CDH12: variants seen among roughly 807,000 people sequenced by gnomAD.
CDH12 encodes cadherin-12.
Under a neutral mutation model 74.1 loss-of-function variants are expected in CDH12, and 41 were observed. The ratio of observed to expected loss-of-function variants is 0.55; its 90% CI spans 0.43 to 0.72. The LOEUF is 0.72. CDH12 is among the 30% of genes least tolerant of loss of function. The probability of loss-of-function intolerance (pLI) is 0.00; values close to 1 mark genes in which losing one functional copy is unlikely to be tolerated. For missense variants in CDH12, 945 were observed against 977.2 expected, an observed-to-expected ratio of 0.97 and a Z score of 0.44; for synonymous variants, 399 against 355.0, an observed-to-expected ratio of 1.12 and a Z score of -1.39.
rs1580822133 is a variant in CDH12, at chr5:22,619,548, T to C, written c.-522-114184A>G. ...CAATCCTTTTGTTGGTTTTTTGAAA[T>C]CTTTTATTTTTTTAAATCTATTTTA... On this transcript the variant is annotated intron_variant, in intron 1 of 14. Coordinates refer to ENST00000382254, the MANE Select transcript of CDH12 (RefSeq NM_004061.5). 3.3e-5 allele frequency among the ~76,000 whole-genome samples: 5 copies of C among 152,188 alleles called. 1 individual carries two copies. Among genetic ancestry groups the C allele is most frequent in the Admixed American group, 3.3e-4 (5 of 15,252 alleles).
At chr5:21,893,690 T>C (rs1003057214) in intron 6 of CDH12, among the ~76,000 whole-genome samples, 2 of 152,224 alleles carry the variant, frequency 1.3e-5, no homozygotes, top group Non-Finnish European at 2.9e-5. Context: ...GGGTGAAATA[T>C]ATTTTCTTAT....
intron 3 of CDH12, among the ~76,000 whole-genome samples, chr5:22,259,073 T>C (rs1753422684): frequency 6.6e-6 from 1 of 152,212 alleles, no homozygotes; most frequent in Non-Finnish European, 1.5e-5. Context: ...TTTATTTGGA[T>C]ATTTTATACC....
At chr5:22,370,838 C>CA (rs1171963948) in intron 3 of CDH12, among the ~76,000 whole-genome samples, 8 of 151,866 alleles carry the variant, frequency 5.3e-5, no homozygotes, top group Middle Eastern at 3.2e-3. Flanking sequence ...CCTTCAACAG[C>CA]AAAAAAATCA....
intron 3 of CDH12, among the ~76,000 whole-genome samples, chr5:22,278,992 T>C (rs1736759613): frequency 6.6e-6 from 1 of 152,166 alleles, no homozygotes; most frequent in Non-Finnish European, 1.5e-5. Context: ...CACTTCAATG[T>C]TCCCAATGTC....
At chr5:22,148,788 T>A (rs1747377278) in intron 4 of CDH12, among the ~76,000 whole-genome samples, 1 of 152,198 alleles carries the variant, frequency 6.6e-6, no homozygotes, top group Non-Finnish European at 1.5e-5. Flanking sequence ...CTCCCCTGCA[T>A]CTTTGTATTC....
intron 1 of CDH12, among the ~76,000 whole-genome samples, chr5:22,713,012 C>G (rs1395154060): frequency 6.6e-6 from 1 of 152,002 alleles, no homozygotes; most frequent in Non-Finnish European, 1.5e-5. Context: ...ATGTATACAC[C>G]AGGAAACTGG....
At position 22,259,729 on chromosome 5, in the gene CDH12, G is replaced by T. The variant is rs148072609; in HGVS notation, c.-332-47086C>A. Among the ~76,000 whole-genome samples, 277 of 151,796 alleles carry T rather than the reference G, an allele frequency of 1.8e-3. 2 individuals carry two copies. The highest frequency in any genetic ancestry group is 6.2e-3 in the African/African-American group (257 of 41,434). Reference sequence around the variant, plus strand: ...TGGAGGTAATTTAAGATATGCAAAGGACTTTTTTTTTTTACTAGCACCAAT... The same window carrying T: ...TGGAGGTAATTTAAGATATGCAAAGTACTTTTTTTTTTTACTAGCACCAAT... On this transcript the variant is annotated intron_variant, in intron 3 of 14. Coordinates refer to ENST00000382254, the MANE Select transcript of CDH12 (RefSeq NM_004061.5).
At chr5:21,995,247 G>A (rs1342872064) in intron 5 of CDH12, among the ~76,000 whole-genome samples, 1 of 151,538 alleles carries the variant, frequency 6.6e-6, no homozygotes, top group Non-Finnish European at 1.5e-5. Context: ...CAAAATGTCA[G>A]CCAATCCAAA....
chr5:22,774,450 G>C (rs1746981920), intron 1 of CDH12, among the ~76,000 whole-genome samples: 1 of 152,034 alleles, frequency 6.6e-6, no homozygotes, highest in Admixed American at 6.6e-5. Flanking sequence ...TGGTTTGGCT[G>C]TGTCCCCACC....
chr5:22,672,947 G>A (rs1043972341), intron 1 of CDH12, among the ~76,000 whole-genome samples: 29 of 152,188 alleles, frequency 1.9e-4, no homozygotes, highest in Non-Finnish European at 2.4e-4. Flanking sequence ...ATTGCTGAGC[G>A]CTGCCTAAAC....
At chr5:21,938,975 G>A (rs575297218) in intron 6 of CDH12, among the ~76,000 whole-genome samples, 11 of 150,720 alleles carry the variant, frequency 7.3e-5, no homozygotes, top group African/African-American at 2.2e-4. Flanking sequence ...GCACAAAGAT[G>A]TATATTGAAA....
rs532230906 is a variant in CDH12, at chr5:22,429,356, C to G, written c.-427-24005G>C. 2.0e-5 allele frequency among the ~76,000 whole-genome samples: 3 copies of G among 152,026 alleles called. No individual in the cohort carries two copies. In the South Asian group the frequency reaches 6.2e-4, roughly 32 times the overall value. ...TTTTTGCCATGTTGCCCAGGTTGTT[C>G]TTGAATTCCTGGATTCAGGTGATCT... On this transcript the variant is annotated intron_variant, in intron 2 of 14. Transcript: ENST00000382254.
intron 5 of CDH12, among the ~76,000 whole-genome samples, chr5:22,056,478 G>A (rs1016127224): frequency 6.6e-6 from 1 of 152,148 alleles, no homozygotes; most frequent in Non-Finnish European, 1.5e-5. Context: ...CTTGGAACAT[G>A]AGCATACTTG....
At chr5:22,401,207 G>A (rs752873921) in intron 3 of CDH12, among the ~76,000 whole-genome samples, 20 of 151,996 alleles carry the variant, frequency 1.3e-4, no homozygotes, top group Non-Finnish European at 2.4e-4. Flanking sequence ...AAACATGTAC[G>A]AAATAGCACA....
At chr5:22,643,320 A>C (rs1739249198) in intron 1 of CDH12, among the ~76,000 whole-genome samples, 1 of 152,152 alleles carries the variant, frequency 6.6e-6, no homozygotes, top group South Asian at 2.1e-4. Flanking sequence ...TTTAGGTCCC[A>C]ACTGAGCTCC....
At chr5:22,344,717 G>A (rs1740036007) in intron 3 of CDH12, among the ~76,000 whole-genome samples, 1 of 152,000 alleles carries the variant, frequency 6.6e-6, no homozygotes, top group South Asian at 2.1e-4. Flanking sequence ...AAGCATGAAA[G>A]CAATATGTAT....
At chr5:22,467,860 G>T (rs1383750051) in intron 2 of CDH12, among the ~76,000 whole-genome samples, 2 of 152,064 alleles carry the variant, frequency 1.3e-5, no homozygotes, top group African/African-American at 4.8e-5. Context: ...CTGAAAATTT[G>T]CAGAAATTTT....
intron 5 of CDH12, among the ~76,000 whole-genome samples, chr5:21,982,867 T>A (rs754883781): frequency 1.3e-5 from 2 of 152,120 alleles, no homozygotes; most frequent in African/African-American, 2.4e-5. Context: ...ATTTTGCATA[T>A]GGATTTTTTT....
chr5:22,328,982 C>A (rs973057145), intron 3 of CDH12, among the ~76,000 whole-genome samples: 4 of 152,018 alleles, frequency 2.6e-5, no homozygotes, highest in African/African-American at 9.7e-5. Flanking sequence ...AAAAACAGAA[C>A]AAACTTAGAA....
Sources: gnomAD v4.1 joint callset for allele counts (sites outside exome capture counted in the v4.1 genomes callset) on GRCh38, gnomAD v4.1.1 for gene constraint, MANE v1.5 for transcripts, NCBI Gene and HGNC (gene_info 2026-07-23, HGNC 2026-07-21) for gene names.